The following HDAC4 variants were observed in gnomAD, a reference collection of about 807,000 sequenced individuals.
The protein encoded by HDAC4 is histone deacetylase 4, also known as histone deacetylase A.
In HDAC4, 16 loss-of-function variants were observed where a neutral mutation model predicts 135.1. The observed-to-expected ratio is 0.12, with a 90% CI of 0.08 to 0.18. The LOEUF is 0.18. Ranked by LOEUF, HDAC4 falls within the 10% of genes least tolerant of loss-of-function variation. The pLI, the probability that HDAC4 is intolerant of heterozygous loss-of-function variation, is 1.00. For missense variants in HDAC4, 1,143 were observed against 1,511.8 expected (o/e 0.76, Z 4.05); for synonymous variants, 685 against 653.4 (o/e 1.05, Z -0.74).
At chr2:239,195,455 G>A (rs1361241502) in intron 3 of HDAC4, among the ~76,000 whole-genome samples, 1 of 152,226 alleles carries the variant, frequency 6.6e-6, no homozygotes, top group Non-Finnish European at 1.5e-5. Context: ...GGTGGGTGGG[G>A]ATGAGGCCCA....
intron 2 of HDAC4, among the ~76,000 whole-genome samples, chr2:239,311,551 A>C (rs1311898055): frequency 7.2e-5 from 11 of 152,190 alleles, no homozygotes; most frequent in Admixed American, 7.2e-4. Context: ...CCCGCGACTG[A>C]GGACTTTGTA....
rs574247999 is a variant in HDAC4, at chr2:239,263,285, C to T, written c.23-26621G>A. On this transcript the variant is annotated intron_variant, in intron 2 of 26. Coordinates refer to ENST00000543185, the MANE Select transcript of HDAC4 (RefSeq NM_001378414.1). ...GAGGACCCCCGCCCAGCCCAGCCCC[C>T]TACACATCAGCTGTCTCGAAGCCCA... 5.1e-5 allele frequency among the ~76,000 whole-genome samples: 7 copies of T among 136,726 alleles called. No individual in the cohort carries two copies. In the South Asian group the frequency reaches 7.0e-4, roughly 14 times the overall value. 89.7% of individuals were successfully genotyped at this position (136,726 alleles called of 152,430 possible).
chr2:239,117,989 C>T (rs1342025718), intron 12 of HDAC4, among the ~76,000 whole-genome samples: 1 of 152,204 alleles, frequency 6.6e-6, no homozygotes, highest in African/African-American at 2.4e-5. Flanking sequence ...GCGGCCTCTC[C>T]AGCAGCCTGA....
At position 239,163,822 on chromosome 2, in the gene HDAC4, C is replaced by T. The variant is rs1175330507; in HGVS notation, c.592G>A (p.Asp198Asn). 3.1e-6 allele frequency: 5 copies of T among 1,614,126 alleles called. No individual in the cohort carries two copies. The highest frequency in any genetic ancestry group is 1.7e-4 in the Middle Eastern group (1 of 6,052). The change falls in exon 6 of 27, where the codon GAC becomes AAC. Residue 198 changes from aspartate to asparagine, a missense_variant. Coordinates refer to ENST00000543185, the MANE Select transcript of HDAC4 (RefSeq NM_001378414.1). ...HRNLNHCISSDPRYWYGKTQH... is the reference protein window; with the variant it reads ...HRNLNHCISSNPRYWYGKTQH... Reference sequence around the variant, plus strand: ...ACTTACCCGTACCAGTAGCGAGGGTCGCTGGAAATGCAGTGGTTCAGATTC... The same window carrying T: ...ACTTACCCGTACCAGTAGCGAGGGTTGCTGGAAATGCAGTGGTTCAGATTC...
At chr2:239,154,105 G>T (rs1326727865) in intron 7 of HDAC4, among the ~76,000 whole-genome samples, 1 of 152,192 alleles carries the variant, frequency 6.6e-6, no homozygotes, top group African/African-American at 2.4e-5. Context: ...GTTGGGGTGT[G>T]GAGCTGCTGA....
chr2:239,178,437 G>A (rs1294346384), intron 4 of HDAC4, among the ~76,000 whole-genome samples: 1 of 151,950 alleles, frequency 6.6e-6, no homozygotes, highest in African/African-American at 2.4e-5. Flanking sequence ...TTGTAGAGAA[G>A]GGGTCTTGCT....
intron 2 of HDAC4, among the ~76,000 whole-genome samples, chr2:239,295,405 T>A (rs2125558523): frequency 6.9e-6 from 1 of 144,268 alleles, no homozygotes; most frequent in South Asian, 2.2e-4. Flanking sequence ...GCTGGTTACA[T>A]AAAAACCAAC....
intron 2 of HDAC4, among the ~76,000 whole-genome samples, chr2:239,342,363 T>C (rs1003516203): frequency 2.6e-5 from 4 of 152,242 alleles, no homozygotes; most frequent in Admixed American, 1.3e-4. Context: ...GAGAATGTAG[T>C]TGTATACAGA....
At chr2:239,187,625 C>T (rs1484956844) in intron 4 of HDAC4, among the ~76,000 whole-genome samples, 3 of 152,198 alleles carry the variant, frequency 2.0e-5, no homozygotes, top group African/African-American at 7.2e-5. Flanking sequence ...GTGAGGGAGG[C>T]AAGACTGGCC....
chr2:239,150,478 A>G (rs2042044922), intron 7 of HDAC4, among the ~76,000 whole-genome samples: 1 of 152,120 alleles, frequency 6.6e-6, no homozygotes, highest in Non-Finnish European at 1.5e-5. Context: ...ACACAGATAC[A>G]CACACAGGTA....
intron 7 of HDAC4, among the ~76,000 whole-genome samples, chr2:239,156,444 C>T (rs572243707): frequency 1.3e-5 from 2 of 152,276 alleles, no homozygotes; most frequent in East Asian, 1.9e-4. Flanking sequence ...GGTGTACATG[C>T]GTTAGGTTCA....
At chr2:239,371,697 G>A (rs1000080605) in intron 1 of HDAC4, among the ~76,000 whole-genome samples, 1 of 152,140 alleles carries the variant, frequency 6.6e-6, no homozygotes, top group Admixed American at 6.5e-5. Context: ...CAACAGCACA[G>A]GGGACCTGGC....
intron 12 of HDAC4, among the ~76,000 whole-genome samples, chr2:239,120,651 G>T (rs1253392970): frequency 1.3e-5 from 2 of 151,248 alleles, no homozygotes; most frequent in African/African-American, 2.4e-5. Flanking sequence ...GGGGAGGAAG[G>T]CTAGGACCTT....
chr2:239,108,009 G>A (rs527868111), intron 15 of HDAC4, 41 bp downstream of exon 15: 1 of 1,609,318 alleles, frequency 6.2e-7, no homozygotes, highest in East Asian at 2.2e-5. Flanking sequence ...CTCTAATGGT[G>A]CCCAAAGCCG....
At chr2:239,071,383 C>A (rs1001472583) in intron 22 of HDAC4, among the ~76,000 whole-genome samples, 1 of 152,054 alleles carries the variant, frequency 6.6e-6, no homozygotes, top group Non-Finnish European at 1.5e-5. Context: ...CCACTGAACT[C>A]CGGCCTGGCT....
chr2:239,326,785 T>C (rs963582690), intron 2 of HDAC4, among the ~76,000 whole-genome samples: 3 of 152,228 alleles, frequency 2.0e-5, no homozygotes, highest in African/African-American at 7.2e-5. Flanking sequence ...GCCATGGGCA[T>C]CCCAGCGAGC....
chr2:239,195,356 G>C (rs1304816187), intron 3 of HDAC4, among the ~76,000 whole-genome samples: 1 of 152,202 alleles, frequency 6.6e-6, no homozygotes, highest in African/African-American at 2.4e-5. Flanking sequence ...CATTTATGTT[G>C]GATTCAATAA....
At chr2:239,086,684 G>C (rs1380892464) in intron 19 of HDAC4, among the ~76,000 whole-genome samples, 1 of 152,234 alleles carries the variant, frequency 6.6e-6, no homozygotes, top group East Asian at 1.9e-4. Context: ...GTTCTGTCTT[G>C]TTCTGACTGC....
chr2:239,118,021 G>C (rs944101938), intron 12 of HDAC4, among the ~76,000 whole-genome samples: 1 of 152,146 alleles, frequency 6.6e-6, no homozygotes, highest in Non-Finnish European at 1.5e-5. Context: ...CGGGTTGGTG[G>C]GCACTCAGTG....
Sources: gnomAD v4.1 joint callset for allele counts (sites outside exome capture counted in the v4.1 genomes callset) on GRCh38, gnomAD v4.1.1 for gene constraint, MANE v1.5 for transcripts, NCBI Gene and HGNC (gene_info 2026-07-23, HGNC 2026-07-21) for gene names.